The following CR1 variants were observed in gnomAD, a reference collection of about 807,000 sequenced individuals.
CR1 encodes the protein complement receptor type 1.
CR1 carries 116 observed loss-of-function variants against 187.3 expected under a neutral mutation model. The ratio of observed to expected loss-of-function variants is 0.62; its 90% CI spans 0.53 to 0.72. The LOEUF is 0.72. CR1 is among the 30% of genes least tolerant of loss of function. The pLI is 0.00. For missense variants in CR1, 1,731 were observed against 2,110.7 expected (o/e 0.82, Z 3.52); for synonymous variants, 576 against 747.1 (o/e 0.77, Z 3.73).
At chr1:207,563,798 C>T in intron 21 of CR1, 66 bp from the exon 22 acceptor site, 1 of 969,494 alleles carries the variant, frequency 1.0e-6, no homozygotes, top group South Asian at 1.7e-5. Flanking sequence ...ATTCCCTTGG[C>T]CAGTTTAACA....
At chr1:207,572,616 GT>G (rs1660613165) in intron 27 of CR1, among the ~76,000 whole-genome samples, 1 of 150,974 alleles carries the variant, frequency 6.6e-6, no homozygotes, top group African/African-American at 2.5e-5. Flanking sequence ...TGTGATATGT[GT>G]TTTATTGTGG....
At chr1:207,526,623 A>G in intron 5 of CR1, 130 bp from the exon 6 acceptor site, 4 of 1,447,968 alleles carry the variant, frequency 2.8e-6, no homozygotes, top group Non-Finnish European at 2.7e-6. Flanking sequence ...TAGTTTATCA[A>G]TGTAATAAGG....
At position 207,566,027 on chromosome 1, in the gene CR1, T is replaced by C. The variant is rs1364347101; in HGVS notation, c.3952+104T>C. 1.4e-6 allele frequency: 2 copies of C among 1,442,194 alleles called. 1 individual carries two copies. Among genetic ancestry groups the C allele is most frequent in the African/African-American group, 3.0e-5 (2 of 65,584 alleles). 89.3% of individuals were successfully genotyped at this position (1,442,194 alleles called of 1,614,324 possible). A position where few individuals can be genotyped will look rare whatever the true frequency, so the allele number is the denominator to read the frequency against. On this transcript the variant is annotated intron_variant, in intron 24 of 46. Transcript: ENST00000367049. ...TGATTCTTCAATATTCTAGTCTTAA[T>C]TATCGATTTAAAAATAGTTTATTTT...
chr1:207,501,536 C>G (rs779386611), intron 1 of CR1, among the ~76,000 whole-genome samples: 69 of 152,292 alleles, frequency 4.5e-4, no homozygotes, highest in South Asian at 2.1e-4. Flanking sequence ...GAAACTACAT[C>G]AAGCTTTCTT....
At chr1:207,630,879 G>T (rs1662624173) in intron 46 of CR1, among the ~76,000 whole-genome samples, 1 of 151,960 alleles carries the variant, frequency 6.6e-6, no homozygotes, top group Non-Finnish European at 1.5e-5. Context: ...CTGTATTTAT[G>T]CTATGAAACT....
intron 25 of CR1, among the ~76,000 whole-genome samples, chr1:207,568,264 G>T (rs1660570500): frequency 7.1e-6 from 1 of 140,096 alleles, no homozygotes; most frequent in Admixed American, 7.1e-5. Flanking sequence ...GTGAGTGGTG[G>T]GAAAGTCCTT....
At chr1:207,576,911 T>C (rs1282822307) in intron 28 of CR1, among the ~76,000 whole-genome samples, 1 of 152,194 alleles carries the variant, frequency 6.6e-6, no homozygotes, top group Admixed American at 6.5e-5. Flanking sequence ...AGATTAATAA[T>C]GGTGAGATAA....
rs1662986891 is a variant in CR1 at position 207,641,580 on chromosome 1, C to A, written c.*2171C>A. On this transcript the variant is annotated 3_prime_UTR_variant, in exon 47 of 47. Coordinates refer to ENST00000367049, the MANE Select transcript of CR1 (RefSeq NM_000651.6). ...CTGCTAACCTGTGACCTTACATTTT[C>A]ATCTGAAAAGCAGGGGCTGGACACC... 1 of 152,112 alleles carries A rather than the reference C, an allele frequency of 6.6e-6. No individual in the cohort carries two copies. The highest frequency in any genetic ancestry group is 1.5e-5 in the Non-Finnish European group (1 of 68,024). The allele number at this position is 152,112 out of a possible 1,614,324, so 9.4% of individuals were successfully genotyped here.
At chr1:207,578,293 T>A in intron 29 of CR1, 90 bp downstream of exon 29, 3 of 1,607,680 alleles carry the variant, frequency 1.9e-6, no homozygotes, top group Non-Finnish European at 8.5e-7. Flanking sequence ...GGGAGGTATG[T>A]ATGGTGAGGA....
chr1:207,519,396 C>G (rs991846959), intron 4 of CR1, among the ~76,000 whole-genome samples: 3 of 151,986 alleles, frequency 2.0e-5, no homozygotes, highest in African/African-American at 7.2e-5. Context: ...TTCCTCATTT[C>G]TCACATTTTT....
chr1:207,587,696 C>T lies in CR1; in HGVS notation c.5710+131C>T, dbSNP rs377132050. On this transcript the variant is annotated intron_variant, in intron 34 of 46. Transcript: ENST00000367049. Reference sequence around the variant, plus strand: ...GGCAGATAGCTTGAACTCAGGAGTTCGCAACCAGCCTGGGCAACATGGCCA... The same window carrying T: ...GGCAGATAGCTTGAACTCAGGAGTTTGCAACCAGCCTGGGCAACATGGCCA... 106 of 759,304 alleles carry T rather than the reference C, an allele frequency of 1.4e-4. No homozygotes were observed. The East Asian group carries it at 1.5e-3, about 11-fold the overall frequency. The allele number at this position is 759,304 out of a possible 1,614,324, so 47.0% of individuals were successfully genotyped here.
intron 1 of CR1, among the ~76,000 whole-genome samples, chr1:207,498,143 T>C (rs1245955102): frequency 6.6e-6 from 1 of 152,220 alleles, no homozygotes; most frequent in African/African-American, 2.4e-5. Context: ...ACTGACATCC[T>C]GATCTCTGAG....
intron 41 of CR1, 112 bp downstream of exon 41, chr1:207,616,914 G>A (rs1397473753): frequency 1.3e-5 from 19 of 1,434,162 alleles, no homozygotes; most frequent in Non-Finnish European, 1.7e-5. Flanking sequence ...TGCTGTAACT[G>A]TCAGAGACAG....
At chr1:207,524,984 A>AG (rs1660123125) in intron 5 of CR1, among the ~76,000 whole-genome samples, 1 of 152,066 alleles carries the variant, frequency 6.6e-6, no homozygotes, top group South Asian at 2.1e-4. Flanking sequence ...AGGCATGGCT[A>AG]GGGACCCCTC....
At chr1:207,618,903 G>T (rs910256252) in intron 42 of CR1, among the ~76,000 whole-genome samples, 1 of 149,830 alleles carries the variant, frequency 6.7e-6, no homozygotes, top group Non-Finnish European at 1.5e-5. Flanking sequence ...TAGCTGGGTG[G>T]TGGTGCGCGC....
chr1:207,612,175 T>C, intron 39 of CR1, 134 bp downstream of exon 39: 2 of 989,788 alleles, frequency 2.0e-6, no homozygotes, highest in Admixed American at 2.3e-5. Context: ...GGAAGGGTAG[T>C]TTTGAAATAA....
Position 207,623,045 on chromosome 1 carries a change from G to T in CR1, c.7329G>T (p.Trp2443Cys). The change falls in exon 45 of 47, where the codon TGG (tryptophan) becomes TGT (cysteine). Residue 2443 changes from tryptophan (W) to cysteine (C), a missense_variant. By Grantham distance (215) the Trp-to-Cys change is radical. This residue lies in a region of CR1 where 1,312 missense variants were observed against 1,379.6 expected (regional missense o/e 0.95). Coordinates refer to ENST00000367049, the MANE Select transcript of CR1 (RefSeq NM_000651.6). ...FFILLIIFLS[W>C]IILKHRKGNN... ...TTTTACTCATCATTTTCCTCTCTTG[G>T]ATAATTCTAAAGCACAGAAAAGGGT... is the stretch of plus-strand genomic sequence containing the variant. 6.3e-7 allele frequency: 1 copy of T among 1,580,310 alleles called. No homozygotes were observed. Among genetic ancestry groups the T allele is most frequent in the South Asian group, 1.2e-5 (1 of 86,726 alleles).
At chr1:207,623,852 A>C (rs1023654068) in intron 45 of CR1, among the ~76,000 whole-genome samples, 1 of 151,268 alleles carries the variant, frequency 6.6e-6, no homozygotes, top group Non-Finnish European at 1.5e-5. Context: ...GTGGGGAAGA[A>C]TTGAAACTTT....
At chr1:207,499,225 A>G (rs1279830259) in intron 1 of CR1, among the ~76,000 whole-genome samples, 1 of 152,248 alleles carries the variant, frequency 6.6e-6, no homozygotes, top group Non-Finnish European at 1.5e-5. Flanking sequence ...TTTCAAACAC[A>G]GCAGACTTCA....
Sources: allele counts gnomAD v4.1 joint callset (sites outside exome capture counted in the v4.1 genomes callset), GRCh38; gene constraint gnomAD v4.1.1; regional missense constraint gnomAD v4.1.1; transcripts MANE v1.5; gene names NCBI Gene and HGNC (gene_info 2026-07-23, HGNC 2026-07-21).